The following DNAH7 variants were observed in gnomAD, a reference collection of about 807,000 sequenced individuals.
The protein encoded by DNAH7 is axonemal beta dynein heavy chain 7.
In DNAH7, 397 loss-of-function variants were observed where a neutral mutation model predicts 444.6. The observed-to-expected ratio is 0.89, with a 90% CI of 0.82 to 0.97. The LOEUF is 0.97. Ranked by LOEUF, DNAH7 falls within the 50% of genes least tolerant of loss-of-function variation. The pLI is 0.00. For synonymous variants in DNAH7, 1,636 were observed against 1,624.4 expected, an observed-to-expected ratio of 1.01 and a Z score of -0.17; for missense variants, 4,902 against 4,800.8, an observed-to-expected ratio of 1.02 and a Z score of -0.62.
chr2:195,801,189 C>T (rs543534591), intron 54 of DNAH7, among the ~76,000 whole-genome samples: 103 of 152,192 alleles, frequency 6.8e-4, no homozygotes, highest in African/African-American at 2.4e-3. Context: ...AGTGACGAAG[C>T]CTTAGGTTGT....
chr2:195,817,871 G>C, intron 49 of DNAH7, 42 bp from the exon 50 acceptor site: 1 of 1,450,318 alleles, frequency 6.9e-7, no homozygotes, highest in Non-Finnish European at 9.3e-7. Flanking sequence ...CATTATTTCT[G>C]TTAAAAAGTC....
chr2:195,881,009 T>A (rs188567927), intron 36 of DNAH7, among the ~76,000 whole-genome samples: 1,753 of 151,976 alleles, frequency 0.012, 24 homozygotes, highest in Middle Eastern at 0.065. Context: ...TTTTTTTTTT[T>A]AATCCAGGCC....
At chr2:195,954,275 GTGTT>G (rs1225786860) in intron 19 of DNAH7, among the ~76,000 whole-genome samples, 1 of 152,150 alleles carries the variant, frequency 6.6e-6, no homozygotes, top group African/African-American at 2.4e-5. Flanking sequence ...AGAACATGTG[GTGTT>G]TGGTTTCCTG....
At chr2:196,025,160 G>A (rs999075561) in intron 7 of DNAH7, among the ~76,000 whole-genome samples, 3 of 152,090 alleles carry the variant, frequency 2.0e-5, no homozygotes, top group Non-Finnish European at 2.9e-5. Flanking sequence ...TATCTGTCAG[G>A]GAGGGGAGTG....
chr2:195,967,123 T>C (rs1249759686), intron 17 of DNAH7, among the ~76,000 whole-genome samples: 1 of 152,122 alleles, frequency 6.6e-6, no homozygotes, highest in Non-Finnish European at 1.5e-5. Context: ...TTATCTGTTG[T>C]ATATAGTTTT....
chr2:195,793,508 G>T (rs1050214554), intron 57 of DNAH7, among the ~76,000 whole-genome samples: 1 of 152,128 alleles, frequency 6.6e-6, no homozygotes, highest in African/African-American at 2.4e-5. Context: ...TCATCTATCT[G>T]GGAGTAACTT....
chr2:195,750,844 A>G (rs1487153904), intron 63 of DNAH7, among the ~76,000 whole-genome samples: 2 of 152,180 alleles, frequency 1.3e-5, no homozygotes, highest in African/African-American at 4.8e-5. Flanking sequence ...CTTTTACCCA[A>G]TTTAGACATT....
At chr2:196,057,857 T>C (rs1178938751) in intron 2 of DNAH7, among the ~76,000 whole-genome samples, 197 bp downstream of exon 2, 1 of 152,212 alleles carries the variant, frequency 6.6e-6, no homozygotes, top group East Asian at 1.9e-4. Flanking sequence ...ACCTGAAAAT[T>C]ACAGCCTATA....
chr2:196,054,897 T>C (rs1697708449), intron 2 of DNAH7, among the ~76,000 whole-genome samples: 2 of 152,200 alleles, frequency 1.3e-5, no homozygotes, highest in South Asian at 4.1e-4. Context: ...ACGATGTTTG[T>C]AAGTTTCCTG....
intron 61 of DNAH7, among the ~76,000 whole-genome samples, chr2:195,768,119 G>A (rs1694669934): frequency 6.7e-6 from 1 of 149,422 alleles, no homozygotes; most frequent in Non-Finnish European, 1.5e-5. Context: ...GTATAAGCAA[G>A]CATTATTCTC....
At chr2:195,974,652 A>G (rs1692061918) in intron 15 of DNAH7, among the ~76,000 whole-genome samples, 1 of 152,074 alleles carries the variant, frequency 6.6e-6, no homozygotes, top group Non-Finnish European at 1.5e-5. Context: ...TAACTCTCCA[A>G]CTACATTTAT....
chr2:195,847,568 T>C (rs1358959324), intron 46 of DNAH7, among the ~76,000 whole-genome samples: 3 of 151,220 alleles, frequency 2.0e-5, no homozygotes, highest in Non-Finnish European at 4.4e-5. Context: ...GGTGATGACA[T>C]AATCTGTACA....
At chr2:195,751,666 A>T (rs1693806813) in intron 63 of DNAH7, among the ~76,000 whole-genome samples, 1 of 152,216 alleles carries the variant, frequency 6.6e-6, no homozygotes. Context: ...AAGAGAAAAG[A>T]ACATGAGCCG....
At chr2:195,850,350 T>C (rs1433086050) in intron 46 of DNAH7, among the ~76,000 whole-genome samples, 1 of 151,640 alleles carries the variant, frequency 6.6e-6, no homozygotes, top group Non-Finnish European at 1.5e-5. Context: ...AAGAGTGTCA[T>C]CTTGGTGAAA....
chr2:196,006,737 G>T (rs1238999628), intron 10 of DNAH7, among the ~76,000 whole-genome samples: 1 of 151,972 alleles, frequency 6.6e-6, no homozygotes, highest in Non-Finnish European at 1.5e-5. Flanking sequence ...AAATTCAGTT[G>T]TATTTCTACA....
intron 24 of DNAH7, among the ~76,000 whole-genome samples, chr2:195,911,946 T>C (rs1373182567): frequency 6.6e-6 from 1 of 152,156 alleles, no homozygotes; most frequent in African/African-American, 2.4e-5. Flanking sequence ...AACCTGTATA[T>C]TAATAGTAAA....
At chr2:195,801,686 T>G (rs1485530954) in intron 54 of DNAH7, among the ~76,000 whole-genome samples, 1 of 152,222 alleles carries the variant, frequency 6.6e-6, no homozygotes, top group Non-Finnish European at 1.5e-5. Context: ...GATGGTCTAC[T>G]CTGTAAAACA....
In DNAH7 at chr2:195,794,538, C is replaced by T. The variant is rs763839238; in HGVS notation, c.10516G>A (p.Glu3506Lys). The T allele has an allele frequency of 6.2e-7, 1 of 1,613,838 alleles. No individual in the cohort carries two copies. The highest frequency in any genetic ancestry group is 8.5e-7 in the Non-Finnish European group (1 of 1,179,810). Residue 3506 changes from glutamate to lysine, a missense_variant and splice_region_variant, in exon 57 of 65, where the codon GAG becomes AAG. By Grantham distance (56) the Glu-to-Lys change is moderately conservative. Coordinates refer to ENST00000312428, the MANE Select transcript of DNAH7 (RefSeq NM_018897.3). ...WMPTLEKVCE[E>K]LSPESTHPDF... ...GGATGTGTTGACTCTGGGCTTAACT[C>T]CTGTAAGAAAATAAATCAGATACAA...
At chr2:195,871,112 T>C (rs1392469489) in intron 40 of DNAH7, among the ~76,000 whole-genome samples, 1 of 152,184 alleles carries the variant, frequency 6.6e-6, no homozygotes, top group Admixed American at 6.5e-5. Flanking sequence ...GACCTTGTTG[T>C]GGCCAAAACA....
Sources: allele counts gnomAD v4.1 joint callset (sites outside exome capture counted in the v4.1 genomes callset), GRCh38; gene constraint gnomAD v4.1.1; transcripts MANE v1.5; gene names NCBI Gene and HGNC (gene_info 2026-07-23, HGNC 2026-07-21).